The following UBE4B variants were observed in gnomAD, a reference collection of about 807,000 sequenced individuals.
The protein encoded by UBE4B is ubiquitination factor E4B.
Under a neutral mutation model 148.1 loss-of-function variants are expected in UBE4B, and 27 were observed. That is an observed-to-expected ratio of 0.18 (90% CI 0.13 to 0.25). The LOEUF (loss-of-function observed/expected upper bound fraction) is 0.25. UBE4B is among the 10% of genes least tolerant of loss of function. The pLI is 1.00. For synonymous variants in UBE4B, 596 were observed against 619.3 expected (o/e 0.96, Z 0.56); for missense variants, 1,170 against 1,662.4 (o/e 0.70, Z 5.15).
intron 1 of UBE4B, 112 bp from the exon 2 acceptor site, chr1:10,071,916 G>A (rs1384686383): frequency 2.0e-6 from 2 of 1,015,116 alleles, no homozygotes; most frequent in African/African-American, 3.4e-5. Context: ...TACTTTTGCT[G>A]AAGGCATATT....
intron 1 of UBE4B, among the ~76,000 whole-genome samples, chr1:10,065,225 C>T (rs983026452): frequency 6.6e-6 from 1 of 152,106 alleles, no homozygotes; most frequent in African/African-American, 2.4e-5. Flanking sequence ...TATGGAGAAC[C>T]ACTAAAGCAG....
rs912654230 is a variant in UBE4B, at chr1:10,168,709, A to G, written c.3333+439A>G. Among the ~76,000 whole-genome samples, 2 of 152,116 alleles carry G rather than the reference A, an allele frequency of 1.3e-5. No individual in the cohort carries two copies. Among genetic ancestry groups the G allele is most frequent in the Non-Finnish European group, 2.9e-5 (2 of 68,018 alleles). On this transcript the variant is annotated intron_variant, in intron 24 of 27. Transcript: ENST00000343090. The surrounding 1 kb of genome is among the most constrained non-coding windows in gnomAD (Gnocchi z 4.9). ...AGATGGAGACCATCCTGGCTAACACAGTGAAACCCCATCTCTACTAAAAGT... is the reference window on the plus strand; with the variant it reads ...AGATGGAGACCATCCTGGCTAACACGGTGAAACCCCATCTCTACTAAAAGT...
chr1:10,044,578 C>T (rs1184586594), intron 1 of UBE4B, among the ~76,000 whole-genome samples: 1 of 150,264 alleles, frequency 6.7e-6, no homozygotes, highest in Non-Finnish European at 1.5e-5. Flanking sequence ...CCTTCCCTCC[C>T]TCTCTCCTTC....
At chr1:10,146,491 A>G (rs970403442) in intron 18 of UBE4B, among the ~76,000 whole-genome samples, 3 of 152,186 alleles carry the variant, frequency 2.0e-5, no homozygotes, top group Admixed American at 1.3e-4. Context: ...GCTTAAATGT[A>G]TACATCAGTG....
At chr1:10,056,980 A>C (rs1273954650) in intron 1 of UBE4B, among the ~76,000 whole-genome samples, 1 of 149,778 alleles carries the variant, frequency 6.7e-6, no homozygotes, top group Non-Finnish European at 1.5e-5. Context: ...CACCTGGCTC[A>C]TTTTTGTATT....
chr1:10,033,751 A>G, intron 1 of UBE4B, 57 bp downstream of exon 1: 2 of 1,499,130 alleles, frequency 1.3e-6, no homozygotes, highest in Non-Finnish European at 1.8e-6. Flanking sequence ...AGCGCTTTGG[A>G]CAGGGATGGT....
intron 11 of UBE4B, 97 bp downstream of exon 11, chr1:10,126,974 T>A (rs1645510918): frequency 9.1e-7 from 1 of 1,099,570 alleles, no homozygotes; most frequent in Non-Finnish European, 1.4e-6. Flanking sequence ...GAGATCAACC[T>A]TGTTTTCAAA....
At position 10,180,454 on chromosome 1, in the gene UBE4B, C is replaced by A. The variant is rs1167477385; in HGVS notation, c.*498C>A. 1 of 154,236 alleles carries A rather than the reference C, an allele frequency of 6.5e-6. No individual in the cohort carries two copies. The highest frequency in any genetic ancestry group is 6.5e-5 in the Admixed American group (1 of 15,386). 9.6% of individuals were successfully genotyped at this position (154,236 alleles called of 1,614,324 possible). ...GCAAAAACAAAAGTAAACTCCTTTC[C>A]CTGGCCCTCCAAACATATATTCTGT... On this transcript the variant is annotated 3_prime_UTR_variant, in exon 28 of 28. Transcript: ENST00000343090.
intron 17 of UBE4B, 148 bp downstream of exon 17, chr1:10,137,353 G>A (rs1218002830): frequency 2.0e-6 from 2 of 1,015,446 alleles, no homozygotes; most frequent in East Asian, 4.9e-5. Context: ...CCACATCCAT[G>A]TTGCTCAGTT....
At chr1:10,070,808 A>G (rs1031066973) in intron 1 of UBE4B, among the ~76,000 whole-genome samples, 4 of 152,180 alleles carry the variant, frequency 2.6e-5, no homozygotes, top group African/African-American at 7.2e-5. Context: ...TGAATCAAGT[A>G]AAAAAAGAAA....
chr1:10,071,106 C>T (rs1644476380), intron 1 of UBE4B, among the ~76,000 whole-genome samples: 1 of 151,956 alleles, frequency 6.6e-6, no homozygotes. Flanking sequence ...AGGATTTCAC[C>T]ATGTTGGTCA....
At chr1:10,047,132 T>C (rs539067155) in intron 1 of UBE4B, among the ~76,000 whole-genome samples, 1 of 152,354 alleles carries the variant, frequency 6.6e-6, no homozygotes, top group Non-Finnish European at 1.5e-5. Flanking sequence ...CAATGCTGCA[T>C]ATTTGTATTG....
chr1:10,043,096 G>A (rs1286152286), intron 1 of UBE4B, among the ~76,000 whole-genome samples: 1 of 150,872 alleles, frequency 6.6e-6, no homozygotes, highest in Non-Finnish European at 1.5e-5. Context: ...TGCAACCTCC[G>A]CCTCGGGGGT....
intron 19 of UBE4B, 86 bp downstream of exon 19, chr1:10,147,176 C>A: frequency 6.3e-7 from 1 of 1,578,264 alleles, no homozygotes; most frequent in South Asian, 1.1e-5. Context: ...TAACTAAAAC[C>A]AAAACCCTTT....
intron 22 of UBE4B, among the ~76,000 whole-genome samples, chr1:10,160,500 C>T (rs1646143507): frequency 6.6e-6 from 1 of 152,064 alleles, no homozygotes; most frequent in African/African-American, 2.4e-5. Flanking sequence ...TGCTGGTTTT[C>T]CATGGTGTGA....
chr1:10,105,741 C>T lies in UBE4B; in HGVS notation c.806C>T (p.Ser269Phe). Reference protein sequence around the residue: ...SVASFGASSLSSLYESSPAPT... With the variant: ...SVASFGASSLFSLYESSPAPT... ...GCTTCCTTTGGTGCCAGCTCTTTGT[C>T]TAGGTCAGTGTGGTTCTCTTTGCAC... Residue 269 changes from serine (S) to phenylalanine (F), a missense_variant, in exon 6 of 28, where the codon TCT (serine) becomes TTT (phenylalanine). Around this residue, in one of 6 missense-constraint regions of UBE4B, gnomAD observed 214 missense variants for 209.1 expected, o/e 1.02. Coordinates refer to ENST00000343090, the MANE Select transcript of UBE4B (RefSeq NM_001105562.3). 1 of 1,613,434 alleles carries T rather than the reference C, an allele frequency of 6.2e-7. No individual in the cohort carries two copies. The highest frequency in any genetic ancestry group is 8.5e-7 in the Non-Finnish European group (1 of 1,180,006).
intron 2 of UBE4B, among the ~76,000 whole-genome samples, chr1:10,073,918 C>CTTTTTTTT (rs1167412492): frequency 7.7e-6 from 1 of 130,596 alleles, no homozygotes; most frequent in African/African-American, 2.9e-5. Flanking sequence ...TTCTTTCTTT[C>CTTTTTTTT]TATTTTTTTT....
chr1:10,111,479 GT>G (rs760471350), intron 7 of UBE4B, among the ~76,000 whole-genome samples: 5 of 152,074 alleles, frequency 3.3e-5, no homozygotes, highest in African/African-American at 7.2e-5. Context: ...TGACCTCATT[GT>G]CTCAAACATT....
At chr1:10,148,082 C>A (rs985863085) in intron 19 of UBE4B, among the ~76,000 whole-genome samples, 12 of 152,060 alleles carry the variant, frequency 7.9e-5, no homozygotes, top group Non-Finnish European at 1.8e-4. Context: ...AAAAAATTAG[C>A]TGGGCGCTGT....
Sources: gnomAD v4.1 joint callset for allele counts (sites outside exome capture counted in the v4.1 genomes callset) on GRCh38, gnomAD v4.1.1 for gene constraint, gnomAD v4.1.1 regional missense constraint, Gnocchi (gnomAD v3.1) non-coding constraint, MANE v1.5 for transcripts, NCBI Gene and HGNC (gene_info 2026-07-23, HGNC 2026-07-21) for gene names.